DAZAP2: variants seen among roughly 807,000 people sequenced by gnomAD.
The protein encoded by DAZAP2 is DAZ-associated protein 2.
A neutral mutation model predicts 16.2 loss-of-function variants in DAZAP2; 3 were observed. The ratio of observed to expected loss-of-function variants is 0.19; its 90% CI spans 0.08 to 0.48. The LOEUF (loss-of-function observed/expected upper bound fraction) is 0.48. Ranked by LOEUF, DAZAP2 falls within the 20% of genes least tolerant of loss-of-function variation. The probability of loss-of-function intolerance (pLI) is 0.98; values close to 1 mark genes in which losing one functional copy is unlikely to be tolerated. For missense variants in DAZAP2, 172 were observed against 215.9 expected (o/e 0.80, Z 1.27); for synonymous variants, 69 against 77.6 (o/e 0.89, Z 0.58).
rs941103141 is a variant in DAZAP2 at position 51,240,262 on chromosome 12, TAA to T, written c.14-80_14-79del. ...CAAATCCCCTTCTGCTTGCTCCCACTAAGTTAGCTACCCGATATGACCTGCCT... is the reference window on the plus strand; with the variant it reads ...CAAATCCCCTTCTGCTTGCTCCCACTGTTAGCTACCCGATATGACCTGCCT... On this transcript the variant is annotated intron_variant, in intron 1 of 3. Coordinates refer to ENST00000412716, the MANE Select transcript of DAZAP2 (RefSeq NM_014764.4). The T allele has an allele frequency of 8.2e-6, 9 of 1,092,352 alleles. No homozygotes were observed. The African/African-American group carries it at 1.1e-4, about 13-fold the overall frequency. 67.7% of individuals were successfully genotyped at this position (1,092,352 alleles called of 1,614,324 possible).
At chr12:51,245,330 T>G (rs2137291311), downstream of DAZAP2, 2 of 152,796 alleles carry the variant, frequency 1.3e-5, no homozygotes, top group East Asian at 3.9e-4. Flanking sequence ...ATGTAGTTAC[T>G]TCTTGCACAT....
At chr12:51,239,022 T>TG in intron 1 of DAZAP2, 102 bp downstream of exon 1, 6 of 1,525,364 alleles carry the variant, frequency 3.9e-6, no homozygotes, top group Non-Finnish European at 5.3e-6. Context: ...TGGGGTGGGC[T>TG]GCGCCATGCT....
At chr12:51,245,815 G>T (rs1944760501), downstream of DAZAP2, 2 of 1,106,732 alleles carry the variant, frequency 1.8e-6, no homozygotes, top group Non-Finnish European at 2.5e-6. Flanking sequence ...CTGCGACCTG[G>T]CTGGAGCTTG....
intron 1 of DAZAP2, 53 bp downstream of exon 1, chr12:51,238,973 CGAGCGGATTCGGAGCCCAGGGT>C: frequency 1.4e-5 from 23 of 1,605,860 alleles, no homozygotes; most frequent in Non-Finnish European, 2.0e-5. Context: ...TGGCCCAGAG[CGAGCGGATTCGGAGCCCAGGGT>C]CACCAAACGC....
At position 51,243,548 on chromosome 12, in the gene DAZAP2, G is replaced by A. The variant is rs1448067857; in HGVS notation, c.*1090G>A. Reference sequence around the variant, plus strand: ...TAAGAATATTTCAGGGATCCTTAATGTTTTGATTTTTGTTTTCTGAAATTG... The same window carrying A: ...TAAGAATATTTCAGGGATCCTTAATATTTTGATTTTTGTTTTCTGAAATTG... On this transcript the variant is annotated 3_prime_UTR_variant, in exon 4 of 4. Transcript: ENST00000412716. 1.0e-6 allele frequency: 1 copy of A among 985,548 alleles called. No homozygotes were observed. The highest frequency in any genetic ancestry group is 1.1e-4 in the East Asian group (1 of 8,824). 61.1% of individuals were successfully genotyped at this position (985,548 alleles called of 1,614,324 possible). A position where few individuals can be genotyped will look rare whatever the true frequency, so the allele number is the denominator to read the frequency against.
In DAZAP2 at chr12:51,238,900, C is replaced by T; in HGVS notation, c.-8C>T. 1 of 1,613,508 alleles carries T rather than the reference C, an allele frequency of 6.2e-7. No homozygotes were observed. Among genetic ancestry groups the T allele is most frequent in the Non-Finnish European group, 8.5e-7 (1 of 1,179,924 alleles). ...GCGACGCCGAGACAAACCGGACCCG[C>T]AACCACCATGAACAGCAAAGGCAAG... On this transcript the variant is annotated 5_prime_UTR_variant, in exon 1 of 4. Coordinates refer to ENST00000412716, the MANE Select transcript of DAZAP2 (RefSeq NM_014764.4).
At chr12:51,240,753 T>A in intron 2 of DAZAP2, 118 bp from the exon 3 acceptor site, 2 of 1,406,744 alleles carry the variant, frequency 1.4e-6, no homozygotes, top group South Asian at 2.7e-5. Context: ...AAAGGCAACT[T>A]GTATAATCTT....
chr12:51,242,238 T>C, intron 3 of DAZAP2, 92 bp from the exon 4 acceptor site: 4 of 1,492,848 alleles, frequency 2.7e-6, no homozygotes, highest in Non-Finnish European at 3.6e-6. Context: ...GGTTAGCACA[T>C]TGCCTCATCC....
Position 51,242,417 on chromosome 12 carries a change from T to G in DAZAP2, c.466T>G (p.Phe156Val). Residue 156 changes from phenylalanine to valine, a missense_variant, in exon 4 of 4, where the codon TTC becomes GTC. By Grantham distance (50) the Phe-to-Val change is conservative. Transcript: ENST00000412716. ...CCTCGTAACTCAGCGGAAGGGGAAC[T>G]TCTTCATGGGTGGTTCAGATGGTGG... is the stretch of plus-strand genomic sequence containing the variant. ...NVLVTQRKGN[F>V]FMGGSDGGYT... is the part of the protein sequence containing the mutation. 1 of 1,614,188 alleles carries G rather than the reference T, an allele frequency of 6.2e-7. No individual in the cohort carries two copies. The highest frequency in any genetic ancestry group is 1.3e-5 in the African/African-American group (1 of 75,036).
chr12:51,241,194 AC>A, intron 3 of DAZAP2, 78 bp downstream of exon 3: 1 of 1,562,176 alleles, frequency 6.4e-7, no homozygotes, highest in Non-Finnish European at 8.7e-7. Context: ...TCATTCTCTT[AC>A]CATTTCTGGA....
chr12:51,241,899 C>T (rs757230000), intron 3 of DAZAP2, among the ~76,000 whole-genome samples: 5 of 148,786 alleles, frequency 3.4e-5, no homozygotes, highest in African/African-American at 1.0e-4. Flanking sequence ...CCAGCCTGGG[C>T]GACAAGAGCA....
In DAZAP2 at chr12:51,238,896, C is replaced by T. The variant is rs1285695117; in HGVS notation, c.-12C>T. On this transcript the variant is annotated 5_prime_UTR_variant, in exon 1 of 4. Coordinates refer to ENST00000412716, the MANE Select transcript of DAZAP2 (RefSeq NM_014764.4). ...GTCCGCGACGCCGAGACAAACCGGA[C>T]CCGCAACCACCATGAACAGCAAAGG... is the stretch of plus-strand genomic sequence containing the variant. 6.2e-7 allele frequency: 1 copy of T among 1,613,464 alleles called. No homozygotes were observed.
chr12:51,242,313 A>G lies in DAZAP2; in HGVS notation c.379-17A>G, dbSNP rs1430387213. 2 of 1,568,454 alleles carry G rather than the reference A, an allele frequency of 1.3e-6. No individual in the cohort carries two copies. Among genetic ancestry groups the G allele is most frequent in the African/African-American group, 2.7e-5 (2 of 73,522 alleles). On this transcript the variant is annotated splice_polypyrimidine_tract_variant and intron_variant, in intron 3 of 3. Coordinates refer to ENST00000412716, the MANE Select transcript of DAZAP2 (RefSeq NM_014764.4). ...TTAGCTGCCCTGTGCCCATTCTATC[A>G]TGTCATTTCCTTTCAGCCTCCACCT...
rs1944725014 is a variant in DAZAP2 at position 51,243,771 on chromosome 12, T to G, written c.*1313T>G. On this transcript the variant is annotated 3_prime_UTR_variant, in exon 4 of 4. Coordinates refer to ENST00000412716, the MANE Select transcript of DAZAP2 (RefSeq NM_014764.4). Reference sequence around the variant, plus strand: ...TATTTTGAAGATTTGAATAAAGTGATGAAGTTGCATTACACCTCACTGCAA... The same window carrying G: ...TATTTTGAAGATTTGAATAAAGTGAGGAAGTTGCATTACACCTCACTGCAA... 1.0e-6 allele frequency: 1 copy of G among 985,702 alleles called. No homozygotes were observed. Among genetic ancestry groups the G allele is most frequent in the Non-Finnish European group, 1.2e-6 (1 of 829,806 alleles). 61.1% of individuals were successfully genotyped at this position (985,702 alleles called of 1,614,324 possible). A position where few individuals can be genotyped will look rare whatever the true frequency, so the allele number is the denominator to read the frequency against.
intron 3 of DAZAP2, among the ~76,000 whole-genome samples, chr12:51,241,827 AGGAGAATCACTTGAACCTGGGAGGT>A: frequency 6.6e-6 from 1 of 152,240 alleles, no homozygotes; most frequent in South Asian, 2.1e-4. Context: ...AGGCTAAGAC[AGGAGAATCACTTGAACCTGGGAGGT>A]GGAGGTTGCA....
rs1489433492 is a variant in DAZAP2, at chr12:51,240,875, A to G, written c.137A>G (p.Tyr46Cys). The G allele has an allele frequency of 5.6e-6, 9 of 1,613,516 alleles. No homozygotes were observed. The highest frequency in any genetic ancestry group is 5.0e-5 in the Admixed American group (3 of 59,996). ...TDAPPAYSELYRPSFVHPGAA... is the reference protein window; with the variant it reads ...TDAPPAYSELCRPSFVHPGAA... ...CTTCTCTTCTGCCTCTTCTAGCTCT[A>G]TCGTCCGAGCTTTGTGCACCCAGGG... Residue 46 changes from tyrosine to cysteine, a missense_variant, in exon 3 of 4, where the codon TAT (tyrosine) becomes TGT (cysteine). Coordinates refer to ENST00000412716, the MANE Select transcript of DAZAP2 (RefSeq NM_014764.4).
chr12:51,242,327 C>A lies in DAZAP2; in HGVS notation c.379-3C>A. 3 of 1,582,426 alleles carry A rather than the reference C, an allele frequency of 1.9e-6. No individual in the cohort carries two copies. Among genetic ancestry groups the A allele is most frequent in the Non-Finnish European group, 2.6e-6 (3 of 1,164,592 alleles). On this transcript the variant is annotated splice_polypyrimidine_tract_variant and splice_region_variant and intron_variant, in intron 3 of 3. Coordinates refer to ENST00000412716, the MANE Select transcript of DAZAP2 (RefSeq NM_014764.4). The stretch of plus-strand genomic sequence containing the variant: ...CCCATTCTATCATGTCATTTCCTTT[C>A]AGCCTCCACCTCCTGGATGCCCTCC...
chr12:51,240,971 T>TAAA lies in DAZAP2; in HGVS notation c.233_234insAAA (p.Val78_Ala79insLys). 6.2e-7 allele frequency: 1 copy of TAAA among 1,614,192 alleles called. No individual in the cohort carries two copies. The highest frequency in any genetic ancestry group is 2.2e-5 in the East Asian group (1 of 44,886). On this transcript the variant is annotated inframe_insertion, in exon 3 of 4. Transcript: ENST00000412716. The stretch of plus-strand genomic sequence containing the variant: ...CTGTATCTTCCCATGGCCCAGTCTG[T>TAAA]GGCTGTTGGGCCTTTAGGTTCCACA...
Position 51,241,016 on chromosome 12 carries a change from C to T in DAZAP2, c.278C>T (p.Pro93Leu). 1 of 1,614,184 alleles carries T rather than the reference C, an allele frequency of 6.2e-7. No homozygotes were observed. Among genetic ancestry groups the T allele is most frequent in the Non-Finnish European group, 8.5e-7 (1 of 1,180,042 alleles). Residue 93 changes from proline (P) to leucine (L), a missense_variant, in exon 3 of 4, where the codon CCA becomes CTA. Coordinates refer to ENST00000412716, the MANE Select transcript of DAZAP2 (RefSeq NM_014764.4). The part of the protein sequence containing the change: ...LGSTIPMAYY[P>L]VGPIYPPGST... ...TCCACAATCCCCATGGCTTATTATCCAGTCGGTCCCATCTATCCACCTGGC... is the reference window on the plus strand; with the variant it reads ...TCCACAATCCCCATGGCTTATTATCTAGTCGGTCCCATCTATCCACCTGGC...
Sources: allele counts gnomAD v4.1 joint callset (sites outside exome capture counted in the v4.1 genomes callset), GRCh38; gene constraint gnomAD v4.1.1; transcripts MANE v1.5; gene names NCBI Gene and HGNC (gene_info 2026-07-23, HGNC 2026-07-21).